Variants in PCDH15 observed in about 807,000 individuals in gnomAD.
The protein encoded by PCDH15 is protocadherin-15.
Under a neutral mutation model 178.5 loss-of-function variants are expected in PCDH15, and 129 were observed. The ratio of observed to expected loss-of-function variants is 0.72; its 90% CI spans 0.63 to 0.84. The LOEUF is 0.84. Ranked by LOEUF, PCDH15 falls within the 40% of genes least tolerant of loss-of-function variation. The pLI is 0.00. For synonymous variants in PCDH15, 800 were observed against 732.0 expected (o/e 1.09, Z -1.50); for missense variants, 2,230 against 2,099.9 (o/e 1.06, Z -1.21).
chr10:54,442,274 G>T (rs1412660716), intron 3 of PCDH15, among the ~76,000 whole-genome samples: 4 of 149,574 alleles, frequency 2.7e-5, no homozygotes, highest in Non-Finnish European at 6.0e-5. Context: ...ATTGGACTTG[G>T]GATCTCAGAA....
intron 2 of PCDH15, among the ~76,000 whole-genome samples, chr10:54,957,976 C>A (rs1773390526): frequency 6.6e-6 from 1 of 151,690 alleles, no homozygotes; most frequent in African/African-American, 2.4e-5. Flanking sequence ...AAAAGGTTGA[C>A]CCACTGAAGA....
chr10:54,743,480 C>T (rs1029424246), intron 1 of PCDH15, among the ~76,000 whole-genome samples: 37 of 151,894 alleles, frequency 2.4e-4, no homozygotes, highest in Admixed American at 8.5e-4. Flanking sequence ...CATGCAAATA[C>T]GAAAAGATGC....
chr10:55,222,978 ATCT>A (rs1840928786), intron 1 of PCDH15, among the ~76,000 whole-genome samples: 1 of 151,752 alleles, frequency 6.6e-6, no homozygotes, highest in African/African-American at 2.4e-5. Flanking sequence ...CATTCTTTAA[ATCT>A]TTCTTAACAG....
chr10:55,212,032 G>A (rs1042016197), intron 1 of PCDH15, among the ~76,000 whole-genome samples: 5 of 152,066 alleles, frequency 3.3e-5, no homozygotes, highest in African/African-American at 1.2e-4. Flanking sequence ...GCCGGCAGCT[G>A]TGCCAATAGA....
At chr10:54,504,977 C>T (rs1264970842) in intron 3 of PCDH15, among the ~76,000 whole-genome samples, 1 of 152,026 alleles carries the variant, frequency 6.6e-6, no homozygotes, top group Non-Finnish European at 1.5e-5. Context: ...GGGGAGTTCA[C>T]TTGGAAATTT....
chr10:54,722,977 A>C (rs1052273653), intron 1 of PCDH15, among the ~76,000 whole-genome samples: 5 of 151,680 alleles, frequency 3.3e-5, no homozygotes, highest in Admixed American at 6.6e-5. Flanking sequence ...GCACAAATCA[A>C]TCTACAGATT....
intron 2 of PCDH15, among the ~76,000 whole-genome samples, chr10:55,508,704 G>C (rs893297521): frequency 1.3e-5 from 2 of 151,646 alleles, no homozygotes; most frequent in African/African-American, 4.8e-5. Context: ...TTATTCAAAA[G>C]TTATTTATAT....
intron 8 of PCDH15, among the ~76,000 whole-genome samples, chr10:54,296,252 G>T (rs1771381763): frequency 6.6e-6 from 1 of 151,822 alleles, no homozygotes; most frequent in South Asian, 2.1e-4. Context: ...GACTCTTCGG[G>T]GTTGGAAGCA....
chr10:54,636,318 G>A (rs998654017), intron 2 of PCDH15, among the ~76,000 whole-genome samples: 34 of 151,818 alleles, frequency 2.2e-4, no homozygotes, highest in African/African-American at 8.0e-4. Flanking sequence ...ATATTCATCT[G>A]CATGTCTCTA....
intron 2 of PCDH15, among the ~76,000 whole-genome samples, chr10:55,621,576 C>A (rs1419661679): frequency 1.3e-5 from 2 of 152,118 alleles, no homozygotes; most frequent in Non-Finnish European, 2.9e-5. Context: ...GACCAGGAAC[C>A]CTATGGTTAG....
At chr10:54,256,586 C>T (rs1364012208) in intron 8 of PCDH15, among the ~76,000 whole-genome samples, 2 of 152,066 alleles carry the variant, frequency 1.3e-5, no homozygotes, top group African/African-American at 2.4e-5. Context: ...TTTTTTGGAT[C>T]AATTTGACTT....
intron 2 of PCDH15, among the ~76,000 whole-genome samples, chr10:55,600,495 C>T (rs1843051937): frequency 6.6e-6 from 1 of 152,052 alleles, no homozygotes; most frequent in Non-Finnish European, 1.5e-5. Context: ...GGATAAGTGA[C>T]CCTAGGGTTA....
chr10:54,334,715 G>A (rs1412626754), intron 6 of PCDH15, among the ~76,000 whole-genome samples: 3 of 127,084 alleles, frequency 2.4e-5, no homozygotes, highest in Admixed American at 8.2e-5. Context: ...ACACACACAC[G>A]TGTATATATA....
At chr10:55,197,509 A>G (rs1840126593) in intron 1 of PCDH15, among the ~76,000 whole-genome samples, 1 of 152,136 alleles carries the variant, frequency 6.6e-6, no homozygotes, top group African/African-American at 2.4e-5. Context: ...GTAGCTTTAT[A>G]TAAGTCATTT....
chr10:55,063,974 C>T (rs1391904047), intron 2 of PCDH15, among the ~76,000 whole-genome samples: 2 of 152,024 alleles, frequency 1.3e-5, no homozygotes, highest in African/African-American at 4.8e-5. Context: ...TTGTTTCATG[C>T]CTTTAGATGA....
At chr10:54,689,529 TGCAAAAGTCA>T (rs1307782947) in intron 1 of PCDH15, among the ~76,000 whole-genome samples, 3 of 152,206 alleles carry the variant, frequency 2.0e-5, no homozygotes, top group Middle Eastern at 3.2e-3. Flanking sequence ...AAAAGCACTG[TGCAAAAGTCA>T]GCAATTAGGG....
chr10:54,066,649 A>G, intron 18 of PCDH15, 108 bp downstream of exon 18: 1 of 1,081,018 alleles, frequency 9.3e-7, no homozygotes, highest in Non-Finnish European at 1.4e-6. Flanking sequence ...TATCCAGCAC[A>G]GTCATTTAAC....
chr10:54,362,469 T>G (rs1253056080), intron 5 of PCDH15, among the ~76,000 whole-genome samples: 3 of 152,130 alleles, frequency 2.0e-5, no homozygotes, highest in Non-Finnish European at 4.4e-5. Flanking sequence ...AAACTCAAGG[T>G]TATTTAAACT....
chr10:55,353,993 AT>A (rs1477124564), intron 2 of PCDH15, among the ~76,000 whole-genome samples: 2 of 151,944 alleles, frequency 1.3e-5, no homozygotes, highest in African/African-American at 4.8e-5. Flanking sequence ...TGATCTTCAT[AT>A]TTCCTTGCCC....
Sources: gnomAD v4.1 joint callset for allele counts (sites outside exome capture counted in the v4.1 genomes callset) on GRCh38, gnomAD v4.1.1 for gene constraint, MANE v1.5 for transcripts, NCBI Gene and HGNC (gene_info 2026-07-23, HGNC 2026-07-21) for gene names.